Variants in SDK1 observed in about 807,000 individuals in gnomAD.
SDK1 encodes protein sidekick-1.
SDK1 carries 157 observed loss-of-function variants against 245.5 expected under a neutral mutation model. The ratio of observed to expected loss-of-function variants is 0.64; its 90% CI spans 0.56 to 0.73. SDK1 has a LOEUF of 0.73. Ranked by LOEUF, SDK1 falls within the 30% of genes least tolerant of loss-of-function variation. The probability of loss-of-function intolerance (pLI) is 0.00; values close to 1 mark genes in which losing one functional copy is unlikely to be tolerated. For missense variants in SDK1, 3,583 were observed against 3,002.3 expected (o/e 1.19, Z -4.52); for synonymous variants, 1,647 against 1,278.5 (o/e 1.29, Z -6.15).
At chr7:4,095,635 C>T (rs1005761679) in intron 22 of SDK1, among the ~76,000 whole-genome samples, 80 of 152,106 alleles carry the variant, frequency 5.3e-4, no homozygotes, top group African/African-American at 1.7e-3. Context: ...TGCAGTGGCG[C>T]GATCTCAGCT....
At chr7:3,542,472 C>T (rs527782472) in intron 1 of SDK1, among the ~76,000 whole-genome samples, 8 of 152,172 alleles carry the variant, frequency 5.3e-5, no homozygotes, top group East Asian at 3.9e-4. Context: ...GAGAGAAGGA[C>T]CCAGGGAAGA....
intron 5 of SDK1, among the ~76,000 whole-genome samples, chr7:3,886,060 G>A (rs1029052859): frequency 2.0e-5 from 3 of 152,198 alleles, no homozygotes; most frequent in Admixed American, 1.3e-4. Context: ...GCAGATCGGA[G>A]GTTATCAGGC....
At chr7:3,389,680 G>A (rs1231779553) in intron 1 of SDK1, among the ~76,000 whole-genome samples, 1 of 152,186 alleles carries the variant, frequency 6.6e-6, no homozygotes, top group Non-Finnish European at 1.5e-5. Context: ...CAGGGGAATT[G>A]CTTGAGCCTG....
chr7:4,252,975 A>G (rs1018339935), intron 44 of SDK1, among the ~76,000 whole-genome samples: 10 of 152,076 alleles, frequency 6.6e-5, no homozygotes, highest in Non-Finnish European at 1.5e-5. Context: ...CTGTAAAGGC[A>G]GTGGTAATTA....
intron 4 of SDK1, among the ~76,000 whole-genome samples, chr7:3,670,979 T>C (rs953634645): frequency 2.6e-5 from 4 of 152,216 alleles, no homozygotes; most frequent in African/African-American, 9.6e-5. Context: ...TGTAACTTTT[T>C]TTTGCCATAG....
chr7:3,388,069 A>G (rs1310686865), intron 1 of SDK1, among the ~76,000 whole-genome samples: 1 of 152,210 alleles, frequency 6.6e-6, no homozygotes, highest in Admixed American at 6.5e-5. Context: ...TTCAGATAGA[A>G]GGCACTCTGG....
At chr7:3,319,679 G>T (rs1229377261) in intron 1 of SDK1, among the ~76,000 whole-genome samples, 1 of 151,968 alleles carries the variant, frequency 6.6e-6, no homozygotes, top group African/African-American at 2.4e-5. Context: ...GTCTAGTGAT[G>T]GCCTGCATGT....
chr7:3,410,578 CTT>C (rs776277920), intron 1 of SDK1, among the ~76,000 whole-genome samples: 1,640 of 81,992 alleles, frequency 0.02, 27 homozygotes, highest in African/African-American at 0.081. Context: ...GAAATGATAT[CTT>C]TTTTTTTTTT....
chr7:3,790,307 G>C (rs1391289198), intron 4 of SDK1, among the ~76,000 whole-genome samples: 1 of 152,166 alleles, frequency 6.6e-6, no homozygotes, highest in Non-Finnish European at 1.5e-5. Context: ...TTTCAACAGA[G>C]GGATTTAACA....
chr7:3,357,862 C>G (rs1780848063), intron 1 of SDK1, among the ~76,000 whole-genome samples: 1 of 152,162 alleles, frequency 6.6e-6, no homozygotes, highest in Non-Finnish European at 1.5e-5. Flanking sequence ...TTCCCCTTTG[C>G]AGGCTCTTAG....
intron 2 of SDK1, among the ~76,000 whole-genome samples, chr7:3,619,778 G>T (rs1371027368): frequency 6.6e-6 from 1 of 152,204 alleles, no homozygotes; most frequent in Non-Finnish European, 1.5e-5. Flanking sequence ...GCCCAGCACT[G>T]TGCCAGTCAC....
At chr7:3,308,881 T>G (rs1692295916) in intron 1 of SDK1, among the ~76,000 whole-genome samples, 2 of 152,002 alleles carry the variant, frequency 1.3e-5, no homozygotes, top group African/African-American at 4.8e-5. Context: ...GTCTTTCCAA[T>G]GAGAAAAAAA....
intron 1 of SDK1, among the ~76,000 whole-genome samples, chr7:3,577,986 T>C (rs1780349149): frequency 6.6e-6 from 1 of 152,060 alleles, no homozygotes; most frequent in Non-Finnish European, 1.5e-5. Context: ...AAATTTATTC[T>C]TTCCACTCAA....
At chr7:3,755,876 C>T (rs1779911707) in intron 4 of SDK1, among the ~76,000 whole-genome samples, 1 of 152,138 alleles carries the variant, frequency 6.6e-6, no homozygotes, top group African/African-American at 2.4e-5. Flanking sequence ...GCGTGTGACA[C>T]ATGCATGTTG....
chr7:3,788,238 A>C (rs1022300192), intron 4 of SDK1, among the ~76,000 whole-genome samples: 1 of 152,150 alleles, frequency 6.6e-6, no homozygotes. Flanking sequence ...GCTGCCGGAC[A>C]CCAGACACCT....
rs146012693 is a variant in SDK1 at position 3,426,101 on chromosome 7, G to A, written c.298+124217G>A. Among the ~76,000 whole-genome samples, 4 of 152,298 alleles carry A rather than the reference G, an allele frequency of 2.6e-5. No individual in the cohort carries two copies. The East Asian group carries it at 7.7e-4, about 29-fold the overall frequency. ...CCCTTGTTCCAAGTAATTTTGTTAA[G>A]CAGTAAACAACGTGGAAGACAGGTT... On this transcript the variant is annotated intron_variant, in intron 1 of 44. Transcript: ENST00000404826.
intron 4 of SDK1, among the ~76,000 whole-genome samples, chr7:3,774,437 T>A (rs1215643254): frequency 1.3e-5 from 2 of 152,196 alleles, no homozygotes; most frequent in African/African-American, 4.8e-5. Flanking sequence ...GCAAACCGTA[T>A]GCCAAGCTGC....
intron 1 of SDK1, among the ~76,000 whole-genome samples, chr7:3,469,132 A>G (rs1334861665): frequency 6.6e-6 from 1 of 152,124 alleles, no homozygotes; most frequent in African/African-American, 2.4e-5. Context: ...TCAATTATGT[A>G]ATTCCATCAG....
intron 3 of SDK1, among the ~76,000 whole-genome samples, chr7:3,640,789 T>C (rs1782624194): frequency 6.6e-6 from 1 of 152,046 alleles, no homozygotes; most frequent in Non-Finnish European, 1.5e-5. Context: ...GTTCAAGTGA[T>C]TCTCCTGCTT....
Sources: allele counts gnomAD v4.1 joint callset (sites outside exome capture counted in the v4.1 genomes callset), GRCh38; gene constraint gnomAD v4.1.1; transcripts MANE v1.5; gene names NCBI Gene and HGNC (gene_info 2026-07-23, HGNC 2026-07-21).